The following ZFYVE27 variants were observed in gnomAD, a reference collection of about 807,000 sequenced individuals.
The protein encoded by ZFYVE27 is zinc finger FYVE-type containing 27.
Under a neutral mutation model 52.8 loss-of-function variants are expected in ZFYVE27, and 36 were observed. The observed-to-expected ratio is 0.68, with a 90% CI of 0.52 to 0.90. ZFYVE27 has a LOEUF of 0.90. Among genes scored for constraint, ZFYVE27 ranks in the 40% least tolerant of loss-of-function variants. The pLI, the probability that ZFYVE27 is intolerant of heterozygous loss-of-function variation, is 0.00. For synonymous variants in ZFYVE27, 223 were observed against 215.6 expected, an observed-to-expected ratio of 1.03 and a Z score of -0.30; for missense variants, 450 against 527.2, an observed-to-expected ratio of 0.85 and a Z score of 1.43.
At chr10:97,743,407 G>T (rs762130926) in intron 3 of ZFYVE27, among the ~76,000 whole-genome samples, 28 of 152,182 alleles carry the variant, frequency 1.8e-4, no homozygotes, top group Non-Finnish European at 3.5e-4. Flanking sequence ...TCTAGAGGGA[G>T]GATAAAAATG....
intron 10 of ZFYVE27, among the ~76,000 whole-genome samples, chr10:97,755,234 C>G (rs1343789657): frequency 2.6e-5 from 4 of 152,244 alleles, no homozygotes; most frequent in Admixed American, 2.6e-4. Flanking sequence ...TTCCCAAGCT[C>G]TTTGCCATGA....
chr10:97,742,998 C>T, intron 2 of ZFYVE27, 96 bp from the exon 3 acceptor site: 2 of 1,333,784 alleles, frequency 1.5e-6, no homozygotes, highest in East Asian at 2.3e-5. Flanking sequence ...TTCCAGGCCT[C>T]CTCTTCTGGT....
intron 10 of ZFYVE27, among the ~76,000 whole-genome samples, chr10:97,756,112 T>C (rs1199050072): frequency 6.6e-6 from 1 of 152,160 alleles, no homozygotes; most frequent in Admixed American, 6.5e-5. Flanking sequence ...AGTCTTTGAG[T>C]AGCTCCTTTT....
intron 1 of ZFYVE27, 30 bp from the exon 2 acceptor site, chr10:97,738,447 T>C: frequency 6.2e-7 from 1 of 1,612,048 alleles, no homozygotes; most frequent in African/African-American, 1.3e-5. Context: ...AGACGTGCAA[T>C]GCAAATGTTG....
chr10:97,738,250 T>G (rs2042645111), intron 1 of ZFYVE27, among the ~76,000 whole-genome samples: 1 of 152,224 alleles, frequency 6.6e-6, no homozygotes, highest in African/African-American at 2.4e-5. Context: ...GCCCATGGGC[T>G]GCCTCGCTGC....
At chr10:97,750,180 T>G in intron 6 of ZFYVE27, 151 bp from the exon 7 acceptor site, 1 of 927,266 alleles carries the variant, frequency 1.1e-6, no homozygotes, top group Non-Finnish European at 1.7e-6. Flanking sequence ...TTAAGAGGCT[T>G]AAGTTAGGTG....
rs567507320 is a variant in ZFYVE27 at position 97,743,486 on chromosome 10, C to T, written c.268+322C>T. ...GCATAATACTTAGCACAGTGCCTGG[C>T]GTGGAAGAGGCAGCCAGTGCATTGT... is the stretch of plus-strand genomic sequence containing the variant. On this transcript the variant is annotated intron_variant, in intron 3 of 12. Coordinates refer to ENST00000684270, the MANE Select transcript of ZFYVE27 (RefSeq NM_001385875.1). 8.0e-4 allele frequency among the ~76,000 whole-genome samples: 121 copies of T among 152,190 alleles called. 1 individual carries two copies. The highest frequency in any genetic ancestry group is 1.0e-3 in the Admixed American group (16 of 15,278).
intron 2 of ZFYVE27, among the ~76,000 whole-genome samples, chr10:97,741,913 C>G (rs1265434967): frequency 6.6e-6 from 1 of 152,066 alleles, no homozygotes; most frequent in African/African-American, 2.4e-5. Context: ...GGCAGATCAC[C>G]TGAGGTCAGG....
intron 10 of ZFYVE27, among the ~76,000 whole-genome samples, chr10:97,755,271 C>T (rs953120234): frequency 1.1e-4 from 17 of 152,222 alleles, no homozygotes; most frequent in East Asian, 1.9e-4. Context: ...TCTGCTCCTG[C>T]GGCCTCTGCT....
In ZFYVE27 at chr10:97,753,152, C is replaced by T; in HGVS notation, c.1012C>T (p.Leu338Phe). The T allele has an allele frequency of 1.2e-6, 2 of 1,611,752 alleles. No individual in the cohort carries two copies. Among genetic ancestry groups the T allele is most frequent in the Non-Finnish European group, 1.7e-6 (2 of 1,179,442 alleles). ...RSKVSRLTER[L>F]RKRYPTNNFG... ...CAAGGTGTCTCGGCTCACGGAGCGG[C>T]TCCGCAAGCGCTACCCCACCAACAA... The change falls in exon 10 of 13, where the codon CTC becomes TTC. Residue 338 changes from leucine to phenylalanine, a missense_variant. Physicochemically the swap from Leu to Phe is conservative, Grantham distance 22. Coordinates refer to ENST00000684270, the MANE Select transcript of ZFYVE27 (RefSeq NM_001385875.1).
At chr10:97,751,186 C>T (rs1386354580) in intron 7 of ZFYVE27, among the ~76,000 whole-genome samples, 1 of 152,176 alleles carries the variant, frequency 6.6e-6, no homozygotes, top group East Asian at 1.9e-4. Context: ...GATGTGGCCA[C>T]TGTAGGGCCA....
chr10:97,754,316 T>A (rs1164775681), intron 10 of ZFYVE27, among the ~76,000 whole-genome samples: 1 of 146,438 alleles, frequency 6.8e-6, no homozygotes, highest in Admixed American at 6.8e-5. Flanking sequence ...AAGATCCCTT[T>A]TTTTTTTTTT....
intron 1 of ZFYVE27, among the ~76,000 whole-genome samples, 199 bp downstream of exon 1, chr10:97,737,520 G>A (rs1363966146): frequency 2.8e-4 from 43 of 152,228 alleles, no homozygotes; most frequent in Non-Finnish European, 2.9e-5. Context: ...GATATACCTC[G>A]CCCCTTCCTG....
chr10:97,743,239 C>T (rs2044230524), intron 3 of ZFYVE27, 75 bp downstream of exon 3: 1 of 1,511,330 alleles, frequency 6.6e-7, no homozygotes, highest in East Asian at 2.3e-5. Flanking sequence ...CAGCCCCACC[C>T]TATGTGTGGG....
intron 1 of ZFYVE27, 42 bp from the exon 2 acceptor site, chr10:97,738,435 C>G (rs1232700430): frequency 1.9e-6 from 3 of 1,605,318 alleles, no homozygotes; most frequent in Admixed American, 1.7e-5. Flanking sequence ...GTGTTGAGGA[C>G]TAGACGTGCA....
intron 10 of ZFYVE27, among the ~76,000 whole-genome samples, chr10:97,756,710 T>G (rs1332486775): frequency 6.6e-6 from 1 of 152,206 alleles, no homozygotes. Context: ...CCACCACAAT[T>G]GAGCATTCTA....
intron 2 of ZFYVE27, among the ~76,000 whole-genome samples, chr10:97,739,976 G>C (rs1057068670): frequency 6.6e-6 from 1 of 150,676 alleles, no homozygotes; most frequent in Non-Finnish European, 1.5e-5. Context: ...CTAAAGAGCA[G>C]AGGTTTTTAA....
chr10:97,754,127 G>C (rs1429287242), intron 10 of ZFYVE27, among the ~76,000 whole-genome samples: 1 of 152,160 alleles, frequency 6.6e-6, no homozygotes, highest in African/African-American at 2.4e-5. Context: ...CTGGTGTTGA[G>C]TGAGTTCTAG....
intron 10 of ZFYVE27, among the ~76,000 whole-genome samples, chr10:97,754,313 C>T (rs2047776940): frequency 7.7e-6 from 1 of 130,684 alleles, no homozygotes. Flanking sequence ...TTCAAGATCC[C>T]TTTTTTTTTT....
Sources: gnomAD v4.1 joint callset for allele counts (sites outside exome capture counted in the v4.1 genomes callset) on GRCh38, gnomAD v4.1.1 for gene constraint, MANE v1.5 for transcripts, NCBI Gene and HGNC (gene_info 2026-07-23, HGNC 2026-07-21) for gene names.